The following ACP6 variants were observed in gnomAD, a reference collection of about 807,000 sequenced individuals.
The protein encoded by ACP6 is lysophosphatidic acid phosphatase type 6.
Under a neutral mutation model 48.1 loss-of-function variants are expected in ACP6, and 48 were observed. The observed-to-expected ratio is 1.00, with a 90% CI of 0.79 to 1.27. The LOEUF (loss-of-function observed/expected upper bound fraction) is 1.27. ACP6 is among the 50% of genes most tolerant of loss of function. ACP6 has a pLI of 0.00. For missense variants in ACP6, 485 were observed against 529.1 expected, an observed-to-expected ratio of 0.92 and a Z score of 0.82; for synonymous variants, 172 against 204.2, an observed-to-expected ratio of 0.84 and a Z score of 1.34.
chr1:147,639,348 A>G (rs1291998295), downstream of ACP6, among the ~76,000 whole-genome samples: 1 of 152,032 alleles, frequency 6.6e-6, no homozygotes, highest in Non-Finnish European at 1.5e-5. Context: ...CATTCCTTCA[A>G]CCTTTCCCCT....
rs781853603 is a variant in ACP6, at chr1:147,647,445, A to G, written c.1265T>C (p.Met422Thr). 1.2e-6 allele frequency: 2 copies of G among 1,614,114 alleles called. No individual in the cohort carries two copies. The highest frequency in any genetic ancestry group is 1.7e-5 in the Admixed American group (1 of 59,976). The change falls in exon 10 of 10, where the codon ATG (methionine) becomes ACG (threonine). Residue 422 changes from methionine (M) to threonine (T), a missense_variant. Transcript: ENST00000583509. ...CAGTTACTCTTCATTTCCAACTTCC[A>G]TCACCTGAGTTTGAGAGCAGAGTGC... ...YHALCSQTQV[M>T]EVGNEE
intron 6 of ACP6, 41 bp from the exon 7 acceptor site, chr1:147,652,590 A>G (rs1659989696): frequency 6.2e-7 from 1 of 1,613,280 alleles, no homozygotes; most frequent in Admixed American, 1.7e-5. Flanking sequence ...AATGCTTCTT[A>G]CCTACTGATT....
Position 147,646,890 on chromosome 1 carries a change from T to C in ACP6, c.*533A>G, listed in dbSNP as rs1393040573. 2 of 154,112 alleles carry C rather than the reference T, an allele frequency of 1.3e-5. No homozygotes were observed. 9.5% of individuals were successfully genotyped at this position (154,112 alleles called of 1,614,324 possible). On this transcript the variant is annotated 3_prime_UTR_variant, in exon 10 of 10. Coordinates refer to ENST00000583509, the MANE Select transcript of ACP6 (RefSeq NM_016361.5). ...CAGGCCAGGACTTTTTCAGAAGCCT[T>C]CCTTGACTGTTCCCCACATCCCCTG... is the stretch of plus-strand genomic sequence containing the variant.
chr1:147,661,569 CCTACAATGGCCT>C (rs1411807482), intron 1 of ACP6, among the ~76,000 whole-genome samples: 3 of 152,064 alleles, frequency 2.0e-5, no homozygotes, highest in Non-Finnish European at 4.4e-5. Flanking sequence ...AGTTAATAAC[CCTACAATGGCCT>C]CTAAGTGTTA....
At chr1:147,668,609 T>C (rs782668262) in intron 1 of ACP6, among the ~76,000 whole-genome samples, 5 of 152,046 alleles carry the variant, frequency 3.3e-5, no homozygotes, top group South Asian at 2.1e-4. Flanking sequence ...AGATGGGCTG[T>C]ATACAAAATC....
intron 5 of ACP6, among the ~76,000 whole-genome samples, chr1:147,632,982 G>C (rs1441236673): frequency 6.6e-6 from 1 of 152,162 alleles, no homozygotes; most frequent in East Asian, 1.9e-4. Flanking sequence ...TTGAGACTGA[G>C]AAGCTGAAAG....
rs34675044 is a variant in ACP6, at chr1:147,659,386, A to T, written c.479+10T>A. On this transcript the variant is annotated intron_variant, in intron 3 of 9. Transcript: ENST00000583509. ...AAATTAAGTGCAACATCCCCTTTCAAGTGACTCACAAGACCTCCTGTGGGT... is the reference window on the plus strand; with the variant it reads ...AAATTAAGTGCAACATCCCCTTTCATGTGACTCACAAGACCTCCTGTGGGT... The T allele has an allele frequency of 0.4, 647,060 of 1,612,820 alleles. 136,687 individuals are homozygous for T. Among genetic ancestry groups the T allele is most frequent in the Non-Finnish European group, 0.44 (515,730 of 1,179,308 alleles).
At chr1:147,653,987 T>C (rs1660096456) in intron 6 of ACP6, among the ~76,000 whole-genome samples, 1 of 152,190 alleles carries the variant, frequency 6.6e-6, no homozygotes, top group Admixed American at 6.5e-5. Context: ...AGCTCTGGTC[T>C]AGAGTTCAGT....
At chr1:147,630,254 C>T (rs1290549440) in exon 6 of ACP6, 1 of 152,230 alleles carries the variant, frequency 6.6e-6, no homozygotes, top group Non-Finnish European at 1.5e-5. Flanking sequence ...TGCACCTAGA[C>T]CAGCAACTCC....
chr1:147,639,968 T>C (rs1659406271), downstream of ACP6, among the ~76,000 whole-genome samples: 1 of 152,046 alleles, frequency 6.6e-6, no homozygotes, highest in African/African-American at 2.4e-5. Context: ...GCACACATAC[T>C]TGCCTTCTCT....
At chr1:147,664,366 A>G (rs913936124) in intron 1 of ACP6, among the ~76,000 whole-genome samples, 8 of 151,850 alleles carry the variant, frequency 5.3e-5, no homozygotes, top group African/African-American at 1.9e-4. Flanking sequence ...CCTTTCTCAT[A>G]TTTCATGGCC....
chr1:147,647,648 G>A, intron 9 of ACP6, 82 bp from the exon 10 acceptor site: 1 of 1,513,964 alleles, frequency 6.6e-7, no homozygotes, highest in Admixed American at 2.1e-5. Context: ...GATCTGAGAG[G>A]CTCTGATCCA....
Position 147,646,453 on chromosome 1 carries a change from T to G in ACP6, c.*970A>C, listed in dbSNP as rs587729911. The G allele has an allele frequency of 6.6e-6, 1 of 152,168 alleles. No homozygotes were observed. Among genetic ancestry groups the G allele is most frequent in the Non-Finnish European group, 1.5e-5 (1 of 68,044 alleles). 9.4% of individuals were successfully genotyped at this position (152,168 alleles called of 1,614,324 possible). A position where few individuals can be genotyped will look rare whatever the true frequency, so the allele number is the denominator to read the frequency against. ...GATCTGGAAGTTGTCAATATTAAGATAGTAGGAAGTGGAGAGGCTTTTGTG... is the reference window on the plus strand; with the variant it reads ...GATCTGGAAGTTGTCAATATTAAGAGAGTAGGAAGTGGAGAGGCTTTTGTG... On this transcript the variant is annotated 3_prime_UTR_variant, in exon 10 of 10. Coordinates refer to ENST00000583509, the MANE Select transcript of ACP6 (RefSeq NM_016361.5).
chr1:147,669,870 CCG>C lies in ACP6; in HGVS notation c.177_178del (p.His59GlnfsTer31). ...GAGCGGCTTGAGAGGACTCCGAGCCCCGTGTCGAAACACGACCTGCACCATTT... is the reference window on the plus strand; with the variant it reads ...GAGCGGCTTGAGAGGACTCCGAGCCCTGTCGAAACACGACCTGCACCATTT... On this transcript the variant is annotated frameshift_variant, in exon 1 of 10. Coordinates refer to ENST00000583509, the MANE Select transcript of ACP6 (RefSeq NM_016361.5). LOFTEE classifies it high-confidence loss of function. 1 of 1,600,884 alleles carries C rather than the reference CCG, an allele frequency of 6.2e-7. No individual in the cohort carries two copies. Among genetic ancestry groups the C allele is most frequent in the Non-Finnish European group, 8.5e-7 (1 of 1,174,462 alleles).
At chr1:147,639,244 G>C (rs587602749), downstream of ACP6, among the ~76,000 whole-genome samples, 20 of 152,260 alleles carry the variant, frequency 1.3e-4, no homozygotes, top group East Asian at 3.9e-3. Context: ...CAGTTTCCAG[G>C]GATATTTCCC....
chr1:147,649,853 C>A, intron 8 of ACP6: 1 of 445,174 alleles, frequency 2.2e-6, no homozygotes, highest in Non-Finnish European at 3.9e-6. Context: ...GGACTATTAT[C>A]ATATCAAATC....
chr1:147,652,817 G>A (rs1570958436), intron 6 of ACP6, among the ~76,000 whole-genome samples: 1 of 94,992 alleles, frequency 1.1e-5, no homozygotes, highest in East Asian at 3.1e-4. Context: ...AAAATGAAAA[G>A]CATTTTTGTT....
chr1:147,652,446 C>T lies in ACP6; in HGVS notation c.881+3G>A. On this transcript the variant is annotated splice_donor_region_variant and intron_variant, in intron 7 of 9. Transcript: ENST00000583509. ...CTTCATGCCAGCAGTGAGAGCCCCTCACCTGTCTTCCTTGGGCAGTATGTA... is the reference window on the plus strand; with the variant it reads ...CTTCATGCCAGCAGTGAGAGCCCCTTACCTGTCTTCCTTGGGCAGTATGTA... 6.2e-7 allele frequency: 1 copy of T among 1,610,228 alleles called. No individual in the cohort carries two copies.
downstream of ACP6, among the ~76,000 whole-genome samples, chr1:147,640,880 C>T (rs2101646586): frequency 6.6e-6 from 1 of 152,292 alleles, no homozygotes; most frequent in Middle Eastern, 3.4e-3. Context: ...TTTCTAGAGG[C>T]TGGCAGGGTG....
Sources: allele counts gnomAD v4.1 joint callset (sites outside exome capture counted in the v4.1 genomes callset), GRCh38; gene constraint gnomAD v4.1.1; transcripts MANE v1.5; gene names NCBI Gene and HGNC (gene_info 2026-07-23, HGNC 2026-07-21).